The following RANBP17 variants were observed in gnomAD, a reference collection of about 807,000 sequenced individuals.
RANBP17 encodes ran-binding protein 17.
Under a neutral mutation model 141.2 loss-of-function variants are expected in RANBP17, and 158 were observed. The observed-to-expected ratio is 1.12, with a 90% CI of 0.98 to 1.28. RANBP17 has a LOEUF of 1.28. Among genes scored for constraint, RANBP17 ranks in the 50% most tolerant of loss-of-function variants. The pLI is 0.00. For synonymous variants in RANBP17, 430 were observed against 450.0 expected (o/e 0.96, Z 0.56); for missense variants, 1,438 against 1,290.7 (o/e 1.11, Z -1.75).
chr5:171,294,053 T>A lies in RANBP17; in HGVS notation c.3042+72T>A, dbSNP rs113932648. The A allele has an allele frequency of 2.5e-3, 2,864 of 1,131,986 alleles. 48 individuals are homozygous for A. The African/African-American group carries it at 0.038, about 15-fold the overall frequency. The allele number at this position is 1,131,986 out of a possible 1,614,324, so 70.1% of individuals were successfully genotyped here. On this transcript the variant is annotated intron_variant, in intron 26 of 27. Coordinates refer to ENST00000523189, the MANE Select transcript of RANBP17 (RefSeq NM_022897.5). ...AGAGCAGCTATAAGCTAGGGTGAGCTGTGATGACGAAGGACAGAGGAGCAG... is the reference window on the plus strand; with the variant it reads ...AGAGCAGCTATAAGCTAGGGTGAGCAGTGATGACGAAGGACAGAGGAGCAG...
chr5:171,029,604 T>G (rs1781433374), intron 14 of RANBP17, among the ~76,000 whole-genome samples: 1 of 152,110 alleles, frequency 6.6e-6, no homozygotes, highest in Non-Finnish European at 1.5e-5. Flanking sequence ...TTCTATATGC[T>G]AGTAATAAGA....
At chr5:171,009,998 C>A (rs1779919595) in intron 14 of RANBP17, among the ~76,000 whole-genome samples, 1 of 151,888 alleles carries the variant, frequency 6.6e-6, no homozygotes, top group Non-Finnish European at 1.5e-5. Flanking sequence ...AGAAATCAGC[C>A]CTCTTTTTGA....
intron 14 of RANBP17, among the ~76,000 whole-genome samples, chr5:171,160,007 C>CT (rs1465778370): frequency 6.7e-6 from 1 of 148,272 alleles, no homozygotes; most frequent in Non-Finnish European, 1.5e-5. Flanking sequence ...ACTTTGATAA[C>CT]TTATTGGACA....
chr5:171,131,900 G>T (rs535859858), intron 14 of RANBP17, among the ~76,000 whole-genome samples: 40 of 152,152 alleles, frequency 2.6e-4, no homozygotes, highest in Non-Finnish European at 5.1e-4. Flanking sequence ...CCTAGTAAAT[G>T]AGAGTAATTA....
chr5:170,947,649 G>T (rs1449997790), intron 12 of RANBP17, among the ~76,000 whole-genome samples: 1 of 152,072 alleles, frequency 6.6e-6, no homozygotes, highest in Non-Finnish European at 1.5e-5. Flanking sequence ...GACAGCTGGG[G>T]CTGGAGTTGC....
intron 1 of RANBP17, among the ~76,000 whole-genome samples, chr5:170,872,691 C>T (rs771647382): frequency 1.3e-5 from 2 of 152,078 alleles, no homozygotes; most frequent in Non-Finnish European, 2.9e-5. Flanking sequence ...TCCATCAATA[C>T]CTAGTTTATT....
chr5:171,151,148 G>A (rs1348874958), intron 14 of RANBP17, among the ~76,000 whole-genome samples: 1 of 152,144 alleles, frequency 6.6e-6, no homozygotes, highest in Non-Finnish European at 1.5e-5. Context: ...AATGTGATCT[G>A]TGCAAAATAG....
intron 18 of RANBP17, among the ~76,000 whole-genome samples, chr5:171,191,337 T>TTTTGATCCTC (rs1207013037): frequency 6.6e-6 from 1 of 152,190 alleles, no homozygotes; most frequent in African/African-American, 2.4e-5. Flanking sequence ...CATTTATCCT[T>TTTTGATCCTC]TTTGATCCGC....
chr5:171,284,302 T>C (rs1768026453), intron 25 of RANBP17, among the ~76,000 whole-genome samples: 1 of 152,010 alleles, frequency 6.6e-6, no homozygotes, highest in East Asian at 1.9e-4. Context: ...CATGTTCTTT[T>C]TATTTCATTT....
intron 14 of RANBP17, among the ~76,000 whole-genome samples, chr5:171,142,839 G>A (rs1382603629): frequency 6.6e-6 from 1 of 152,180 alleles, no homozygotes; most frequent in African/African-American, 2.4e-5. Flanking sequence ...ATAAATGACT[G>A]TCAATAATAG....
chr5:170,990,395 GGAATATAA>G (rs2127563221), intron 14 of RANBP17, among the ~76,000 whole-genome samples: 1 of 151,812 alleles, frequency 6.6e-6, no homozygotes, highest in East Asian at 1.9e-4. Flanking sequence ...TTAGTAGTGT[GGAATATAA>G]TAGTTTATTT....
chr5:171,098,465 C>T (rs1286199326), intron 14 of RANBP17, among the ~76,000 whole-genome samples: 1 of 152,066 alleles, frequency 6.6e-6, no homozygotes, highest in East Asian at 1.9e-4. Flanking sequence ...ATATCCTTTG[C>T]CCATTTTTTG....
chr5:170,964,519 G>T (rs1014370260), intron 13 of RANBP17, among the ~76,000 whole-genome samples: 1 of 151,672 alleles, frequency 6.6e-6, no homozygotes, highest in Non-Finnish European at 1.5e-5. Flanking sequence ...TTAGCATTAG[G>T]TGTATCTCCT....
At chr5:171,052,943 C>G (rs1356970519) in intron 14 of RANBP17, among the ~76,000 whole-genome samples, 2 of 152,182 alleles carry the variant, frequency 1.3e-5, no homozygotes, top group African/African-American at 4.8e-5. Flanking sequence ...ACCTCTGCCT[C>G]CTGGGTTCAA....
intron 14 of RANBP17, among the ~76,000 whole-genome samples, chr5:171,130,254 T>C (rs1195854024): frequency 2.0e-5 from 3 of 152,098 alleles, no homozygotes; most frequent in African/African-American, 7.2e-5. Flanking sequence ...CAAGAAATTA[T>C]AGTAAGAAAT....
chr5:170,884,854 T>C (rs1433515395), intron 3 of RANBP17, among the ~76,000 whole-genome samples: 1 of 152,112 alleles, frequency 6.6e-6, no homozygotes, highest in Non-Finnish European at 1.5e-5. Context: ...CTGTTTCTAC[T>C]ACATCTTCTC....
At chr5:171,044,872 CTTTGT>C (rs1782469524) in intron 14 of RANBP17, among the ~76,000 whole-genome samples, 2 of 151,936 alleles carry the variant, frequency 1.3e-5, no homozygotes, top group Non-Finnish European at 2.9e-5. Context: ...CTTGGGGAGT[CTTTGT>C]TTTAATTGTG....
At chr5:171,273,713 A>G (rs1485538026) in intron 25 of RANBP17, among the ~76,000 whole-genome samples, 1 of 152,180 alleles carries the variant, frequency 6.6e-6, no homozygotes, top group East Asian at 1.9e-4. Flanking sequence ...ATCTTAAGGA[A>G]TTTCAGAACT....
At chr5:170,869,128 A>C in intron 1 of RANBP17, among the ~76,000 whole-genome samples, 1 of 152,164 alleles carries the variant, frequency 6.6e-6, no homozygotes, top group East Asian at 1.9e-4. Context: ...TTTGGAAAAA[A>C]AGAGTGATTG....
Sources: allele counts gnomAD v4.1 joint callset (sites outside exome capture counted in the v4.1 genomes callset), GRCh38; gene constraint gnomAD v4.1.1; transcripts MANE v1.5; gene names NCBI Gene and HGNC (gene_info 2026-07-23, HGNC 2026-07-21).